DCAF8L2: variants seen among roughly 807,000 people sequenced by gnomAD.
DCAF8L2 encodes the protein DDB1- and CUL4-associated factor 8-like protein 2.
For missense variants in DCAF8L2, 430 were observed against 490.7 expected, an observed-to-expected ratio of 0.88 and a Z score of 1.17; for synonymous variants, 200 against 190.9, an observed-to-expected ratio of 1.05 and a Z score of -0.39.
Position 27,746,905 on chromosome X carries a change from CAAGAAG to C in DCAF8L2, c.11_16del (p.Gln4_Gly6delinsArg). On this transcript the variant is annotated inframe_deletion, in exon 5 of 5. Transcript: ENST00000451261. ...GCAAACATCGTTCAAGATGTCCCACCAAGAAGGCAGCACAGACGGCTTACCAGACTT... is the reference window on the plus strand; with the variant it reads ...GCAAACATCGTTCAAGATGTCCCACCGCAGCACAGACGGCTTACCAGACTT... The C allele has an allele frequency of 8.4e-7, 1 of 1,196,113 alleles. No individual in the cohort carries two copies. The highest frequency in any genetic ancestry group is 1.1e-6 in the Non-Finnish European group (1 of 888,198).
the DCAF8L2 span, among the ~76,000 whole-genome samples, chrX:27,543,626 T>C: frequency 9.0e-6 from 1 of 111,244 alleles, no homozygotes; most frequent in South Asian, 3.8e-4. Context: ...TCAAACAGGG[T>C]AGGTCAGATA....
the DCAF8L2 span, among the ~76,000 whole-genome samples, chrX:27,498,945 T>A: frequency 6.2e-5 from 7 of 112,363 alleles, no homozygotes; most frequent in Non-Finnish European, 1.3e-4. Context: ...TGTGTGTGTG[T>A]ATATCTTTTC....
intron 1 of DCAF8L2, among the ~76,000 whole-genome samples, chrX:27,602,869 A>C (rs1926714668): frequency 8.9e-6 from 1 of 112,365 alleles, no homozygotes; most frequent in African/African-American, 3.2e-5. Context: ...AGTAAAAATT[A>C]AAATTATTTT....
intron 2 of DCAF8L2, among the ~76,000 whole-genome samples, chrX:27,648,038 G>A (rs943364327): frequency 9.0e-6 from 1 of 110,991 alleles, no homozygotes; most frequent in South Asian, 3.8e-4. Context: ...AGAAGGTAAT[G>A]GCAAAAAAGA....
At chrX:27,541,858 A>G in the DCAF8L2 span, among the ~76,000 whole-genome samples, 1 of 110,823 alleles carries the variant, frequency 9.0e-6, no homozygotes, top group Admixed American at 9.7e-5. Flanking sequence ...TCCCTTGTCT[A>G]GTAGTCCCCA....
chrX:27,470,658 T>A, the DCAF8L2 span, among the ~76,000 whole-genome samples: 2 of 112,027 alleles, frequency 1.8e-5, no homozygotes, highest in East Asian at 5.6e-4. Context: ...CTATTTTAAA[T>A]TTAGGACTAG....
chrX:27,482,564 G>C, the DCAF8L2 span, among the ~76,000 whole-genome samples: 2 of 111,528 alleles, frequency 1.8e-5, no homozygotes, highest in African/African-American at 6.5e-5. Context: ...AGTCACTAGA[G>C]ATATTCAACA....
the DCAF8L2 span, among the ~76,000 whole-genome samples, chrX:27,562,382 G>A: frequency 8.9e-6 from 1 of 112,041 alleles, no homozygotes; most frequent in Non-Finnish European, 1.9e-5. Flanking sequence ...AGCTCACCAC[G>A]GTCCACTTAT....
intron 4 of DCAF8L2, among the ~76,000 whole-genome samples, chrX:27,729,745 C>T (rs952484227): frequency 2.7e-5 from 3 of 111,887 alleles, no homozygotes; most frequent in Admixed American, 1.9e-4. Flanking sequence ...ACAATCTAAT[C>T]ACCACCTAAA....
intron 2 of DCAF8L2, among the ~76,000 whole-genome samples, chrX:27,643,009 C>T (rs1316569650): frequency 8.9e-6 from 1 of 111,754 alleles, no homozygotes; most frequent in East Asian, 2.8e-4. Flanking sequence ...TATGCAGACA[C>T]CTTTACTGTG....
chrX:27,640,860 G>A (rs1198100303), intron 2 of DCAF8L2, among the ~76,000 whole-genome samples: 1 of 111,536 alleles, frequency 9.0e-6, no homozygotes, highest in Non-Finnish European at 1.9e-5. Flanking sequence ...TTTCTCTAAT[G>A]ACTAATGATG....
the DCAF8L2 span, among the ~76,000 whole-genome samples, chrX:27,495,310 C>G: frequency 9.0e-6 from 1 of 111,547 alleles, no homozygotes; most frequent in Admixed American, 9.5e-5. Flanking sequence ...ATTACTGTCC[C>G]TTTGTACTAA....
the DCAF8L2 span, chrX:27,518,253 C>T: frequency 1.2e-6 from 1 of 858,933 alleles, no homozygotes; most frequent in Non-Finnish European, 1.7e-6. Context: ...ATAAGCCAGG[C>T]TACCTGGCTA....
intron 1 of DCAF8L2, among the ~76,000 whole-genome samples, chrX:27,630,228 C>G (rs1928227338): frequency 9.0e-6 from 1 of 111,393 alleles, no homozygotes; most frequent in African/African-American, 3.3e-5. Flanking sequence ...TATATAGGAT[C>G]ATAACATCTG....
chrX:27,599,537 T>C (rs977724340), intron 1 of DCAF8L2, among the ~76,000 whole-genome samples: 1 of 108,502 alleles, frequency 9.2e-6, no homozygotes, highest in African/African-American at 3.4e-5. Context: ...TTTTACATCA[T>C]GAAAAAAATT....
the DCAF8L2 span, among the ~76,000 whole-genome samples, chrX:27,562,653 A>G: frequency 1.8e-5 from 2 of 112,112 alleles, no homozygotes; most frequent in Admixed American, 9.4e-5. Context: ...GCATTCTCCA[A>G]CCTGGCGGGG....
chrX:27,725,152 A>G (rs1049387702), intron 4 of DCAF8L2, among the ~76,000 whole-genome samples: 2 of 110,712 alleles, frequency 1.8e-5, no homozygotes, highest in African/African-American at 6.5e-5. Context: ...AGACAGAAAG[A>G]CTCCATCCAC....
chrX:27,617,509 T>C (rs1392315718), intron 1 of DCAF8L2, among the ~76,000 whole-genome samples: 3 of 111,528 alleles, frequency 2.7e-5, no homozygotes, highest in Admixed American at 9.6e-5. Context: ...GATTTTTACA[T>C]AGTAATCAAC....
At chrX:27,642,234 T>G (rs1485852356) in intron 2 of DCAF8L2, among the ~76,000 whole-genome samples, 2 of 110,510 alleles carry the variant, frequency 1.8e-5, no homozygotes, top group African/African-American at 3.3e-5. Flanking sequence ...CAGTTTTTCC[T>G]CCGAGGTTTG....
Sources: gnomAD v4.1 joint callset for allele counts (sites outside exome capture counted in the v4.1 genomes callset) on GRCh38, gnomAD v4.1.1 for gene constraint, MANE v1.5 for transcripts, NCBI Gene and HGNC (gene_info 2026-07-23, HGNC 2026-07-21) for gene names.